SEH1L: variants seen among roughly 807,000 people sequenced by gnomAD.
SEH1L encodes nucleoporin SEH1.
A neutral mutation model predicts 49.5 loss-of-function variants in SEH1L; 18 were observed. The observed-to-expected ratio is 0.36, with a 90% CI of 0.25 to 0.54. The LOEUF is 0.54. SEH1L is among the 20% of genes least tolerant of loss of function. SEH1L has a pLI of 0.87. For missense variants in SEH1L, 404 were observed against 528.8 expected (o/e 0.76, Z 2.31); for synonymous variants, 169 against 178.1 (o/e 0.95, Z 0.41).
At chr18:12,975,068 C>A (rs1246997985) in intron 5 of SEH1L, among the ~76,000 whole-genome samples, 1 of 151,278 alleles carries the variant, frequency 6.6e-6, no homozygotes, top group African/African-American at 2.4e-5. Flanking sequence ...TCTCGGCTCA[C>A]CGTAACCTCC....
At position 12,980,715 on chromosome 18, in the gene SEH1L, C is replaced by A. The variant is rs1264797985; in HGVS notation, c.762-1803C>A. ...GGGGCTGACACCCCCCACTTCCCTC[C>A]CGGACGGGGCGGCTGGCCGGGCAGA... On this transcript the variant is annotated intron_variant, in intron 6 of 8. Coordinates refer to ENST00000399892, the MANE Select transcript of SEH1L (RefSeq NM_001013437.2). Among the ~76,000 whole-genome samples, 17 of 89,310 alleles carry A rather than the reference C, an allele frequency of 1.9e-4. No homozygotes were observed. In the East Asian group the frequency reaches 3.2e-3, roughly 17 times the overall value. 58.6% of individuals were successfully genotyped at this position (89,310 alleles called of 152,430 possible). A position where few individuals can be genotyped will look rare whatever the true frequency, so the allele number is the denominator to read the frequency against.
At chr18:12,971,290 C>T in intron 5 of SEH1L, 39 bp downstream of exon 5, 1 of 1,261,050 alleles carries the variant, frequency 7.9e-7, no homozygotes, top group Non-Finnish European at 1.1e-6. Context: ...TTCAGAATTG[C>T]ATTTAATTTT....
At chr18:12,979,146 G>A (rs902537131) in intron 6 of SEH1L, among the ~76,000 whole-genome samples, 1 of 150,306 alleles carries the variant, frequency 6.7e-6, no homozygotes, top group African/African-American at 2.5e-5. Context: ...TAGGACAATA[G>A]TGGAGGGAAG....
chr18:12,971,334 T>A, intron 5 of SEH1L, 83 bp downstream of exon 5: 1 of 911,452 alleles, frequency 1.1e-6, no homozygotes, highest in Non-Finnish European at 1.7e-6. Flanking sequence ...TTTACAGAAT[T>A]ATGTGTCATT....
At chr18:12,970,684 C>T (rs1179198643) in intron 4 of SEH1L, among the ~76,000 whole-genome samples, 1 of 152,188 alleles carries the variant, frequency 6.6e-6, no homozygotes. Flanking sequence ...CTGAGTCTCT[C>T]AAAATGCTGG....
intron 4 of SEH1L, among the ~76,000 whole-genome samples, chr18:12,968,021 G>A (rs1444944535): frequency 6.6e-6 from 1 of 152,162 alleles, no homozygotes; most frequent in Non-Finnish European, 1.5e-5. Context: ...AAATAGTGAG[G>A]ATTGGCTATA....
intron 6 of SEH1L, among the ~76,000 whole-genome samples, chr18:12,979,966 C>T (rs1446250284): frequency 1.5e-5 from 2 of 133,922 alleles, no homozygotes; most frequent in Non-Finnish European, 3.2e-5. Context: ...AGGTGCCCCT[C>T]ACCTCCCGGA....
At chr18:12,951,760 T>G (rs1231413409) in intron 1 of SEH1L, 95 bp from the exon 2 acceptor site, 3 of 739,736 alleles carry the variant, frequency 4.1e-6, no homozygotes, top group African/African-American at 3.7e-5. Context: ...AACTATATGT[T>G]CACCGCTTTC....
At chr18:12,973,607 T>G (rs1361181703) in intron 5 of SEH1L, 5 of 152,118 alleles carry the variant, frequency 3.3e-5, no homozygotes, top group Non-Finnish European at 7.3e-5. Context: ...GCCTAGAAAT[T>G]ACCTAAGTAT....
chr18:12,960,516 G>A (rs1024264327), intron 3 of SEH1L, among the ~76,000 whole-genome samples: 1 of 152,096 alleles, frequency 6.6e-6, no homozygotes, highest in Non-Finnish European at 1.5e-5. Context: ...TTTTAATTCC[G>A]GTAGCTTTGT....
rs1329201431 is a variant in SEH1L, at chr18:12,986,860, A to G, written c.1071-2A>G. The stretch of plus-strand genomic sequence containing the variant: ...GTTTTGTTCCTGTCTTCATTGTTTC[A>G]GGTATTTCTTTACCCCTCTGGATTC... On this transcript the variant is annotated splice_acceptor_variant, in intron 8 of 8. Transcript: ENST00000399892. LOFTEE classifies it high-confidence loss of function. 4.1e-6 allele frequency: 6 copies of G among 1,472,986 alleles called. No homozygotes were observed. Among genetic ancestry groups the G allele is most frequent in the East Asian group, 5.1e-5 (2 of 39,596 alleles). 91.2% of individuals were successfully genotyped at this position (1,472,986 alleles called of 1,614,324 possible).
intron 4 of SEH1L, among the ~76,000 whole-genome samples, chr18:12,964,278 A>G (rs939513448): frequency 6.6e-6 from 1 of 152,148 alleles, no homozygotes; most frequent in Non-Finnish European, 1.5e-5. Flanking sequence ...CTAAAAACAA[A>G]TGCTGTCAAT....
At chr18:12,961,802 G>A (rs2031189236) in intron 3 of SEH1L, among the ~76,000 whole-genome samples, 1 of 151,982 alleles carries the variant, frequency 6.6e-6, no homozygotes, top group Non-Finnish European at 1.5e-5. Flanking sequence ...TAGTAGCTGG[G>A]ATTGCAGGCG....
chr18:12,963,434 AACAATTTG>A (rs1157092098), intron 4 of SEH1L, 63 bp downstream of exon 4: 9 of 1,269,592 alleles, frequency 7.1e-6, no homozygotes, highest in Admixed American at 1.7e-5. Context: ...CTTTTAAGCT[AACAATTTG>A]ATAATTTATT....
chr18:12,982,650 T>C lies in SEH1L; in HGVS notation c.894T>C (p.Asp298=), dbSNP rs1357373740. The C allele has an allele frequency of 2.5e-6, 4 of 1,612,614 alleles. No homozygotes were observed. In the African/African-American group the frequency reaches 5.3e-5, roughly 22 times the overall value. The change falls in exon 7 of 9, where the codon GAT becomes GAC. Residue 298 remains aspartate (D), a synonymous_variant. Coordinates refer to ENST00000399892, the MANE Select transcript of SEH1L (RefSeq NM_001013437.2). ...ITGTVLASSG[D]DGCVRLWKAN... The stretch of plus-strand genomic sequence containing the variant: ...GAACGGTGCTAGCATCTTCAGGAGA[T>C]GATGGGTGTGTAAGATTGTGGAAAG...
Position 12,987,072 on chromosome 18 carries a change from A to C in SEH1L, c.*15A>C. ...AAGGGATTTAAAACACTGATTTAAC[A>C]TTGAAAGGCCTTATTCAAGTGCTTG... is the stretch of plus-strand genomic sequence containing the variant. On this transcript the variant is annotated 3_prime_UTR_variant, in exon 9 of 9. Transcript: ENST00000399892. 6.5e-7 allele frequency: 1 copy of C among 1,535,276 alleles called. No homozygotes were observed. Among genetic ancestry groups the C allele is most frequent in the South Asian group, 1.2e-5 (1 of 86,336 alleles).
chr18:12,971,421 G>A, intron 5 of SEH1L, 170 bp downstream of exon 5: 1 of 478,068 alleles, frequency 2.1e-6, no homozygotes, highest in East Asian at 3.7e-5. Context: ...GAGTGATAAA[G>A]AGGAGAAAGT....
chr18:12,959,417 AG>A (rs370738853), intron 3 of SEH1L, among the ~76,000 whole-genome samples: 1 of 152,198 alleles, frequency 6.6e-6, no homozygotes, highest in African/African-American at 2.4e-5. Context: ...CCTGGGTTCA[AG>A]CGATCCTCCA....
intron 2 of SEH1L, among the ~76,000 whole-genome samples, chr18:12,953,994 T>C (rs535581396): frequency 2.1e-4 from 32 of 152,332 alleles, no homozygotes; most frequent in African/African-American, 6.7e-4. Flanking sequence ...ATAAAACTTA[T>C]CTGCCTTAGT....
Sources: allele counts gnomAD v4.1 joint callset (sites outside exome capture counted in the v4.1 genomes callset), GRCh38; gene constraint gnomAD v4.1.1; transcripts MANE v1.5; gene names NCBI Gene and HGNC (gene_info 2026-07-23, HGNC 2026-07-21).